The following SULT2B1 variants were observed in gnomAD, a reference collection of about 807,000 sequenced individuals.
SULT2B1 encodes sulfotransferase 2B1.
Under a neutral mutation model 33.2 loss-of-function variants are expected in SULT2B1, and 16 were observed. The ratio of observed to expected loss-of-function variants is 0.48; its 90% confidence interval spans 0.33 to 0.73. SULT2B1 has a LOEUF of 0.73. Ranked by LOEUF, SULT2B1 falls within the 30% of genes least tolerant of loss-of-function variation. The probability of loss-of-function intolerance (pLI) is 0.02; values close to 1 mark genes in which losing one functional copy is unlikely to be tolerated. For missense variants in SULT2B1, 500 were observed against 506.0 expected (o/e 0.99, Z 0.11); for synonymous variants, 186 against 200.5 (o/e 0.93, Z 0.61).
chr19:48,581,029 C>CTTTTTTTT (rs57093444), intron 2 of SULT2B1, among the ~76,000 whole-genome samples: 99 of 65,074 alleles, frequency 1.5e-3, no homozygotes, highest in East Asian at 3.8e-3. Context: ...ATATATATTC[C>CTTTTTTTT]TTTTTTTTTT....
At chr19:48,577,952 C>T (rs1973437040) in intron 2 of SULT2B1, among the ~76,000 whole-genome samples, 1 of 152,160 alleles carries the variant, frequency 6.6e-6, no homozygotes, top group Admixed American at 6.6e-5. Context: ...CATAGTGGCT[C>T]ATGCCTGTAA....
chr19:48,599,422 T>C lies in SULT2B1; in HGVS notation c.*16T>C. ...ACCCTCATAATAAACACGTCGATTC[T>C]GTCCAGGTTCCTTGATGCGCTGTGG... On this transcript the variant is annotated 3_prime_UTR_variant, in exon 7 of 7. Coordinates refer to ENST00000201586, the MANE Select transcript of SULT2B1 (RefSeq NM_177973.2). This position sits in a 1 kb window ranked among gnomAD's most constrained non-coding sequence, Gnocchi z 4.1. The C allele has an allele frequency of 6.5e-7, 1 of 1,548,874 alleles. No individual in the cohort carries two copies. Among genetic ancestry groups the C allele is most frequent in the Non-Finnish European group, 8.7e-7 (1 of 1,146,528 alleles).
chr19:48,598,587 A>C (rs1268794197), intron 6 of SULT2B1, among the ~76,000 whole-genome samples: 1 of 152,062 alleles, frequency 6.6e-6, no homozygotes, highest in Non-Finnish European at 1.5e-5. Context: ...CCATCTCAAA[A>C]AGAAAAAAAA....
intron 1 of SULT2B1, among the ~76,000 whole-genome samples, chr19:48,568,932 C>G (rs1262139126): frequency 2.0e-5 from 3 of 152,222 alleles, no homozygotes; most frequent in African/African-American, 7.2e-5. Flanking sequence ...ACACCGCTCC[C>G]TCTCTCGCTA....
intron 4 of SULT2B1, 44 bp from the exon 5 acceptor site, chr19:48,592,678 A>G (rs751343723): frequency 5.3e-6 from 8 of 1,511,490 alleles, no homozygotes; most frequent in Non-Finnish European, 6.3e-6. Context: ...GGCTGGGGGA[A>G]CCCCGCCACT....
chr19:48,586,529 C>T (rs780923610), intron 2 of SULT2B1, among the ~76,000 whole-genome samples: 6 of 152,110 alleles, frequency 3.9e-5, no homozygotes, highest in Admixed American at 6.6e-5. Context: ...ATCACATCGC[C>T]GCCACCTATA....
rs549027793 is a variant in SULT2B1, at chr19:48,596,923, C to T, written c.826+4C>T. ...CGCGGGGCCTTCCTCCGGAAAGGTGCGGGGGTTCTGGGGTTCAGAGCCCAC... is the reference window on the plus strand; with the variant it reads ...CGCGGGGCCTTCCTCCGGAAAGGTGTGGGGGTTCTGGGGTTCAGAGCCCAC... On this transcript the variant is annotated splice_donor_region_variant and intron_variant, in intron 6 of 6. Transcript: ENST00000201586. 33 of 1,580,594 alleles carry T rather than the reference C, an allele frequency of 2.1e-5. No individual in the cohort carries two copies. In the East Asian group the frequency reaches 6.4e-4, roughly 31 times the overall value.
chr19:48,569,381 T>A (rs1304687097), intron 1 of SULT2B1, among the ~76,000 whole-genome samples: 2 of 15,780 alleles, frequency 1.3e-4, no homozygotes, highest in Admixed American at 3.7e-4. Context: ...TATATATATA[T>A]ATATATATAT....
At chr19:48,597,654 C>CTTTTTTTTT (rs372246428) in intron 6 of SULT2B1, among the ~76,000 whole-genome samples, 5,216 of 124,170 alleles carry the variant, frequency 0.042, 569 homozygotes, top group East Asian at 0.25. Context: ...TTTCTTTTTT[C>CTTTTTTTTT]TTTTTTGAGA....
At chr19:48,565,365 T>A (rs1441026231) in intron 1 of SULT2B1, among the ~76,000 whole-genome samples, 3 of 151,688 alleles carry the variant, frequency 2.0e-5, no homozygotes, top group Non-Finnish European at 2.9e-5. Context: ...TGTGTATGTG[T>A]GAGAGAGAGA....
intron 1 of SULT2B1, among the ~76,000 whole-genome samples, chr19:48,570,730 G>GT (rs72229918): frequency 1.7e-4 from 25 of 150,518 alleles, no homozygotes; most frequent in Admixed American, 6.7e-4. Flanking sequence ...TTTTGTTTTT[G>GT]TTTTTTTTTT....
intron 1 of SULT2B1, among the ~76,000 whole-genome samples, chr19:48,558,938 G>A (rs1480124606): frequency 6.6e-6 from 1 of 152,010 alleles, no homozygotes; most frequent in Non-Finnish European, 1.5e-5. Context: ...CACCCGCCTC[G>A]TCCTCCCAAA....
At chr19:48,555,825 C>T (rs11882405) in intron 1 of SULT2B1, among the ~76,000 whole-genome samples, 4,011 of 151,634 alleles carry the variant, frequency 0.026, 121 homozygotes, top group African/African-American at 0.075. Context: ...TTGCAACCTC[C>T]GCCTCCCAGG....
In SULT2B1 at chr19:48,555,206, C is replaced by T. The variant is rs537864786; in HGVS notation, c.71+2883C>T. 2.6e-5 allele frequency among the ~76,000 whole-genome samples: 4 copies of T among 152,088 alleles called. No homozygotes were observed. In the South Asian group the frequency reaches 8.3e-4, roughly 32 times the overall value. Reference sequence around the variant, plus strand: ...TCCCAGGTTCAAGCGATTCTCCTGCCTCAGCCTCCCAAGTAGCTGGGATTA... The same window carrying T: ...TCCCAGGTTCAAGCGATTCTCCTGCTTCAGCCTCCCAAGTAGCTGGGATTA... On this transcript the variant is annotated intron_variant, in intron 1 of 6. Transcript: ENST00000201586.
intron 1 of SULT2B1, among the ~76,000 whole-genome samples, chr19:48,564,414 G>A (rs1309868314): frequency 1.6e-4 from 24 of 150,080 alleles, no homozygotes; most frequent in Admixed American, 1.1e-3. Flanking sequence ...TTAGCTGGGC[G>A]TGGTGGCAGG....
chr19:48,579,216 G>A (rs1973452100), intron 2 of SULT2B1, among the ~76,000 whole-genome samples: 1 of 151,230 alleles, frequency 6.6e-6, no homozygotes, highest in Non-Finnish European at 1.5e-5. Context: ...CAGTTGATAA[G>A]CATTTGGATT....
At chr19:48,558,678 T>TC (rs1372967991) in intron 1 of SULT2B1, among the ~76,000 whole-genome samples, 1 of 134,756 alleles carries the variant, frequency 7.4e-6, no homozygotes, top group Non-Finnish European at 1.5e-5. Context: ...TCTTTTCTTT[T>TC]CTTTTTTTTT....
chr19:48,593,035 G>A (rs3859437), intron 5 of SULT2B1, among the ~76,000 whole-genome samples: 101,665 of 152,018 alleles, frequency 0.67, 34,700 homozygotes, highest in Middle Eastern at 0.8. Context: ...CAGAGGAGCT[G>A]AGGAGCAAAG....
At chr19:48,597,660 T>TTTTTTTTTTTTA (rs1555735827) in intron 6 of SULT2B1, among the ~76,000 whole-genome samples, 7 of 140,496 alleles carry the variant, frequency 5.0e-5, no homozygotes, top group South Asian at 2.3e-4. Flanking sequence ...TTTTCTTTTT[T>TTTTTTTTTTTTA]GAGACGGAGT....
Sources: gnomAD v4.1 joint callset for allele counts (sites outside exome capture counted in the v4.1 genomes callset) on GRCh38, gnomAD v4.1.1 for gene constraint, Gnocchi (gnomAD v3.1) non-coding constraint, MANE v1.5 for transcripts, NCBI Gene and HGNC (gene_info 2026-07-23, HGNC 2026-07-21) for gene names.